Variants in MYO18B observed in about 807,000 individuals in gnomAD.
MYO18B encodes myosin XVIIIB.
MYO18B carries 204 observed loss-of-function variants against 273.0 expected under a neutral mutation model. The ratio of observed to expected loss-of-function variants is 0.75; its 90% CI spans 0.67 to 0.84. MYO18B has a LOEUF of 0.84. Among genes scored for constraint, MYO18B ranks in the 40% least tolerant of loss-of-function variants. The pLI is 0.00. For synonymous variants in MYO18B, 1,330 were observed against 1,305.7 expected, an observed-to-expected ratio of 1.02 and a Z score of -0.40; for missense variants, 3,212 against 3,287.6, an observed-to-expected ratio of 0.98 and a Z score of 0.56.
intron 33 of MYO18B, among the ~76,000 whole-genome samples, chr22:25,917,545 G>GGT (rs3070569): frequency 0.076 from 10,857 of 142,050 alleles, 659 homozygotes; most frequent in African/African-American, 0.17. Context: ...GCTTTGTAGG[G>GGT]GTGTGTGTGT....
rs1443690100 is a variant in MYO18B, at chr22:25,992,428, T to TCGG, written c.6226_6228dup (p.Arg2076dup). The TCGG allele has an allele frequency of 6.2e-7, 1 of 1,613,996 alleles. No individual in the cohort carries two copies. ...TCCAGACAGACCTGGAGACATCCAT[T>TCGG]CGGCGGATTGCCGACCTGCAGGCTG... On this transcript the variant is annotated inframe_insertion, in exon 40 of 44. Coordinates refer to ENST00000335473, the MANE Select transcript of MYO18B (RefSeq NM_032608.7).
At chr22:26,055,309 G>A in the MYO18B span, among the ~76,000 whole-genome samples, 1 of 152,094 alleles carries the variant, frequency 6.6e-6, no homozygotes, top group African/African-American at 2.4e-5. Context: ...ATCTATCTCG[G>A]GCTTTTAAGT....
intron 10 of MYO18B, among the ~76,000 whole-genome samples, chr22:25,782,202 TAA>T (rs1427739910): frequency 6.6e-6 from 1 of 152,202 alleles, no homozygotes; most frequent in Non-Finnish European, 1.5e-5. Flanking sequence ...CTTATAGGAT[TAA>T]GAGAGATAAT....
At chr22:25,904,174 C>G (rs901694336) in intron 31 of MYO18B, among the ~76,000 whole-genome samples, 4 of 152,170 alleles carry the variant, frequency 2.6e-5, no homozygotes, top group Admixed American at 1.3e-4. Context: ...TTGCTTTATG[C>G]CTTTCTCTCT....
intron 39 of MYO18B, among the ~76,000 whole-genome samples, chr22:25,962,535 A>G (rs1422629239): frequency 6.6e-6 from 1 of 152,204 alleles, no homozygotes; most frequent in Non-Finnish European, 1.5e-5. Flanking sequence ...GTATCTTACT[A>G]TGTACCTAGC....
intron 12 of MYO18B, among the ~76,000 whole-genome samples, chr22:25,816,634 T>C (rs1019026600): frequency 6.6e-6 from 1 of 152,186 alleles, no homozygotes; most frequent in African/African-American, 2.4e-5. Context: ...TAGAATGATA[T>C]AACCTCATTC....
At chr22:25,987,866 G>A (rs1333965504) in intron 39 of MYO18B, among the ~76,000 whole-genome samples, 2 of 152,094 alleles carry the variant, frequency 1.3e-5, no homozygotes, top group African/African-American at 2.4e-5. Context: ...AGATTATCCC[G>A]GGAATGTGGT....
chr22:26,054,685 A>G, the MYO18B span, among the ~76,000 whole-genome samples: 1 of 152,132 alleles, frequency 6.6e-6, no homozygotes, highest in Non-Finnish European at 1.5e-5. Context: ...CTGGAGAGGA[A>G]CTGAGCCTTG....
chr22:25,769,283 C>G lies in MYO18B; in HGVS notation c.1367C>G (p.Ala456Gly). Residue 456 changes from alanine to glycine, a missense_variant, in exon 4 of 44, where the codon GCT (alanine) becomes GGT (glycine). Ala to Gly is a moderately conservative substitution (Grantham distance 60). Coordinates refer to ENST00000335473, the MANE Select transcript of MYO18B (RefSeq NM_032608.7). Reference protein sequence around the residue: ...EEPCSRAGDGAGALETELEGP... With the variant: ...EEPCSRAGDGGGALETELEGP... ...CCCTGCTCAAGAGCAGGTGATGGGGCTGGTGCCCTGGAGACAGAGCTGGAA... is the reference window on the plus strand; with the variant it reads ...CCCTGCTCAAGAGCAGGTGATGGGGGTGGTGCCCTGGAGACAGAGCTGGAA... 6.3e-7 allele frequency: 1 copy of G among 1,584,546 alleles called. No homozygotes were observed. Among genetic ancestry groups the G allele is most frequent in the Non-Finnish European group, 8.6e-7 (1 of 1,165,896 alleles).
chr22:25,927,876 A>C (rs1395520909), intron 34 of MYO18B, among the ~76,000 whole-genome samples: 1 of 152,146 alleles, frequency 6.6e-6, no homozygotes, highest in Non-Finnish European at 1.5e-5. Context: ...AGATTCCCCG[A>C]TACTCTTTAT....
chr22:25,892,938 T>G (rs1353325839), intron 27 of MYO18B, among the ~76,000 whole-genome samples: 2 of 152,336 alleles, frequency 1.3e-5, no homozygotes, highest in East Asian at 3.9e-4. Context: ...CCAGTTTGTT[T>G]TCCTCTGTTA....
chr22:25,834,055 G>A (rs1210875789), intron 16 of MYO18B, among the ~76,000 whole-genome samples: 1 of 152,190 alleles, frequency 6.6e-6, no homozygotes, highest in Non-Finnish European at 1.5e-5. Flanking sequence ...AGGAAAGGGT[G>A]GGCCTGAAGG....
At chr22:25,774,059 C>T (rs2086824810) in intron 7 of MYO18B, among the ~76,000 whole-genome samples, 1 of 152,196 alleles carries the variant, frequency 6.6e-6, no homozygotes, top group African/African-American at 2.4e-5. Flanking sequence ...TCCATGTTCT[C>T]CTCTGCCAAC....
At chr22:25,980,511 T>C (rs993860393) in intron 39 of MYO18B, among the ~76,000 whole-genome samples, 13 of 152,242 alleles carry the variant, frequency 8.5e-5, no homozygotes, top group African/African-American at 2.9e-4. Context: ...CCAACTCCAT[T>C]CTGCCTTTAA....
Position 25,891,319 on chromosome 22 carries a change from G to T in MYO18B, c.4450G>T (p.Val1484Phe). Residue 1484 changes from valine to phenylalanine, a missense_variant, in exon 27 of 44, where the codon GTC becomes TTC. Transcript: ENST00000335473. The part of the protein sequence containing the change: ...VQELKSKHEQ[V>F]QKKLGDVNKQ... ...TTTCTTCTAGAGCAAGCATGAACAA[G>T]TCCAGAAAAAACTGGGAGATGTGAA... is the stretch of plus-strand genomic sequence containing the variant. The T allele has an allele frequency of 6.4e-7, 1 of 1,573,476 alleles. No individual in the cohort carries two copies. Among genetic ancestry groups the T allele is most frequent in the Non-Finnish European group, 8.6e-7 (1 of 1,158,902 alleles).
chr22:25,764,068 C>T (rs1483209396), intron 3 of MYO18B, among the ~76,000 whole-genome samples: 1 of 152,172 alleles, frequency 6.6e-6, no homozygotes, highest in Non-Finnish European at 1.5e-5. Flanking sequence ...GGAATGGCTA[C>T]AATCCAATAA....
chr22:25,886,942 A>G (rs933191663), intron 25 of MYO18B, among the ~76,000 whole-genome samples: 3 of 152,172 alleles, frequency 2.0e-5, no homozygotes, highest in Non-Finnish European at 4.4e-5. Flanking sequence ...CTTAAGGCAA[A>G]TGACATATGC....
chr22:25,951,749 A>G (rs560022186), intron 37 of MYO18B, among the ~76,000 whole-genome samples: 2 of 152,314 alleles, frequency 1.3e-5, no homozygotes, highest in South Asian at 2.1e-4. Context: ...CTGGATAACA[A>G]CACGCACAAC....
intron 6 of MYO18B, among the ~76,000 whole-genome samples, chr22:25,772,106 A>G (rs1045956653): frequency 6.6e-6 from 1 of 152,224 alleles, no homozygotes; most frequent in Non-Finnish European, 1.5e-5. Flanking sequence ...ACCACAGCGA[A>G]GAGGGGGTGC....
Sources: allele counts gnomAD v4.1 joint callset (sites outside exome capture counted in the v4.1 genomes callset), GRCh38; gene constraint gnomAD v4.1.1; transcripts MANE v1.5; gene names NCBI Gene and HGNC (gene_info 2026-07-23, HGNC 2026-07-21).